GRID1: variants seen among roughly 807,000 people sequenced by gnomAD.
The protein encoded by GRID1 is glutamate ionotropic receptor delta type subunit 1, also known as glutamate receptor ionotropic, delta-1.
In GRID1, 28 loss-of-function variants were observed where a neutral mutation model predicts 98.0. The observed-to-expected ratio is 0.29, with a 90% CI of 0.21 to 0.39. The LOEUF (loss-of-function observed/expected upper bound fraction) is 0.39, where lower values mean the gene tolerates loss of function less well. GRID1 is among the 10% of genes least tolerant of loss of function. The pLI, the probability that GRID1 is intolerant of heterozygous loss-of-function variation, is 1.00. For missense variants in GRID1, 1,111 were observed against 1,340.5 expected, an observed-to-expected ratio of 0.83 and a Z score of 2.67; for synonymous variants, 553 against 538.5, an observed-to-expected ratio of 1.03 and a Z score of -0.37.
intron 2 of GRID1, among the ~76,000 whole-genome samples, chr10:86,353,054 G>C (rs1018724818): frequency 2.0e-5 from 3 of 152,226 alleles, no homozygotes; most frequent in African/African-American, 7.2e-5. Flanking sequence ...CCAGGAACGT[G>C]CCCCAGGAGG....
At chr10:85,958,881 C>A (rs1564635595) in intron 4 of GRID1, among the ~76,000 whole-genome samples, 2 of 150,308 alleles carry the variant, frequency 1.3e-5, no homozygotes, top group Non-Finnish European at 2.9e-5. Flanking sequence ...CACTTGAACC[C>A]AGGAGCCAGA....
intron 4 of GRID1, among the ~76,000 whole-genome samples, chr10:85,961,674 CTCCT>C (rs1483595247): frequency 1.3e-5 from 2 of 151,622 alleles, no homozygotes; most frequent in Non-Finnish European, 2.9e-5. Flanking sequence ...GCTTCCTTCT[CTCCT>C]TCCTTTTTTC....
At chr10:86,148,576 T>C (rs1027586642) in intron 3 of GRID1, among the ~76,000 whole-genome samples, 1 of 152,160 alleles carries the variant, frequency 6.6e-6, no homozygotes, top group Non-Finnish European at 1.5e-5. Context: ...TAACAATATA[T>C]TGCATATTCG....
chr10:85,779,842 A>G (rs1423662416), intron 8 of GRID1, among the ~76,000 whole-genome samples: 2 of 152,206 alleles, frequency 1.3e-5, no homozygotes, highest in East Asian at 3.9e-4. Flanking sequence ...ACACATGGAA[A>G]TGATGGGTGC....
In GRID1 at chr10:85,916,508, T is replaced by TCACAGG. The variant is rs555024869; in HGVS notation, c.727-275_727-270dup. 2.3e-4 allele frequency among the ~76,000 whole-genome samples: 35 copies of TCACAGG among 152,184 alleles called. No homozygotes were observed. In the South Asian group the frequency reaches 6.0e-3, roughly 26 times the overall value. On this transcript the variant is annotated intron_variant, in intron 4 of 15. Coordinates refer to ENST00000327946, the MANE Select transcript of GRID1 (RefSeq NM_017551.3). This position sits in a 1 kb window ranked among gnomAD's most constrained non-coding sequence, Gnocchi z 4.0. ...TTGGGTTCCTGCAGGCAGCACAGGG[T>TCACAGG]CACAGGCACAGGCACAGGCACAGCC...
intron 5 of GRID1, among the ~76,000 whole-genome samples, chr10:85,899,172 G>C (rs895650430): frequency 6.6e-6 from 1 of 152,202 alleles, no homozygotes; most frequent in Non-Finnish European, 1.5e-5. Context: ...TGCCATATTT[G>C]TCTTTCTACG....
chr10:85,660,564 G>A (rs182704208), intron 12 of GRID1, among the ~76,000 whole-genome samples: 152 of 152,018 alleles, frequency 1.0e-3, no homozygotes, highest in Non-Finnish European at 1.8e-3. Flanking sequence ...GAATTCCCCA[G>A]AGAATTAGAG....
At chr10:85,610,949 C>T (rs1842726299) in intron 15 of GRID1, among the ~76,000 whole-genome samples, 1 of 152,188 alleles carries the variant, frequency 6.6e-6, no homozygotes, top group African/African-American at 2.4e-5. Flanking sequence ...TCATTCCTAT[C>T]TGGAAGCAGG....
At chr10:86,038,532 G>A (rs57723677) in intron 4 of GRID1, among the ~76,000 whole-genome samples, 15,061 of 152,214 alleles carry the variant, frequency 0.099, 869 homozygotes, top group East Asian at 0.2. Context: ...GAGCCTCAAA[G>A]CCCATTAGCT....
chr10:86,212,892 A>C (rs2132024134), intron 2 of GRID1, among the ~76,000 whole-genome samples: 1 of 152,152 alleles, frequency 6.6e-6, no homozygotes, highest in East Asian at 1.9e-4. Context: ...AGGTAACCAA[A>C]ACCATAAAAT....
At chr10:86,062,720 T>C (rs2131914470) in intron 4 of GRID1, among the ~76,000 whole-genome samples, 1 of 152,332 alleles carries the variant, frequency 6.6e-6, no homozygotes, top group South Asian at 2.1e-4. Context: ...TGCTCTCACC[T>C]ACCCTTCCAG....
chr10:86,119,852 G>A (rs1347769460), intron 4 of GRID1, among the ~76,000 whole-genome samples: 2 of 152,006 alleles, frequency 1.3e-5, no homozygotes, highest in Non-Finnish European at 2.9e-5. Context: ...GTGCAGTCGC[G>A]CCATCTCAGC....
At chr10:86,031,915 C>T (rs1843190845) in intron 4 of GRID1, among the ~76,000 whole-genome samples, 2 of 152,190 alleles carry the variant, frequency 1.3e-5, no homozygotes, top group South Asian at 4.2e-4. Context: ...AATGTTCTTC[C>T]CCTACGTCCC....
chr10:85,658,080 T>G (rs996870619), intron 12 of GRID1, among the ~76,000 whole-genome samples: 2 of 152,202 alleles, frequency 1.3e-5, no homozygotes, highest in Non-Finnish European at 2.9e-5. Flanking sequence ...GTGTCTGAAA[T>G]GCAAATCAGG....
intron 8 of GRID1, among the ~76,000 whole-genome samples, chr10:85,844,087 G>A (rs1440572734): frequency 6.6e-6 from 1 of 152,008 alleles, no homozygotes. Flanking sequence ...CTATAAAAGA[G>A]AGAAACTCTT....
intron 4 of GRID1, among the ~76,000 whole-genome samples, chr10:85,956,361 C>T (rs959602903): frequency 6.7e-6 from 1 of 148,794 alleles, no homozygotes; most frequent in Admixed American, 7.0e-5. Flanking sequence ...TTCTGCTAGC[C>T]CAACCTCCCC....
At chr10:85,666,820 C>T (rs972708634) in intron 12 of GRID1, among the ~76,000 whole-genome samples, 1 of 152,148 alleles carries the variant, frequency 6.6e-6, no homozygotes, top group Non-Finnish European at 1.5e-5. Context: ...GGCTCCTCCC[C>T]CATACAGCTC....
At chr10:85,609,198 G>A (rs559563077) in intron 15 of GRID1, among the ~76,000 whole-genome samples, 3 of 152,312 alleles carry the variant, frequency 2.0e-5, no homozygotes, top group South Asian at 4.1e-4. Context: ...TCACTTCTGA[G>A]AGGGATTTCA....
chr10:85,865,956 G>GATATAT (rs1843215575), intron 6 of GRID1, among the ~76,000 whole-genome samples: 2 of 7,126 alleles, frequency 2.8e-4, no homozygotes, highest in African/African-American at 1.1e-3. Context: ...CATATATATG[G>GATATAT]AGAGAGAGAG....
Sources: allele counts gnomAD v4.1 joint callset (sites outside exome capture counted in the v4.1 genomes callset), GRCh38; gene constraint gnomAD v4.1.1; non-coding constraint Gnocchi (gnomAD v3.1); transcripts MANE v1.5; gene names NCBI Gene and HGNC (gene_info 2026-07-23, HGNC 2026-07-21).